Variants in GRM7 observed in about 807,000 individuals in gnomAD.
GRM7 encodes the protein glutamate metabotropic receptor 7.
A neutral mutation model predicts 84.5 loss-of-function variants in GRM7; 35 were observed. The observed-to-expected ratio is 0.41, with a 90% CI of 0.32 to 0.55. GRM7 has a LOEUF of 0.55. Ranked by LOEUF, GRM7 falls within the 20% of genes least tolerant of loss-of-function variation. The probability of loss-of-function intolerance (pLI) is 0.19; values close to 1 mark genes in which losing one functional copy is unlikely to be tolerated. For synonymous variants in GRM7, 487 were observed against 455.1 expected, an observed-to-expected ratio of 1.07 and a Z score of -0.89; for missense variants, 1,003 against 1,194.6, an observed-to-expected ratio of 0.84 and a Z score of 2.36.
intron 7 of GRM7, among the ~76,000 whole-genome samples, chr3:7,553,940 A>G (rs1284968588): frequency 6.6e-6 from 1 of 152,214 alleles, no homozygotes; most frequent in African/African-American, 2.4e-5. Context: ...TGGACATATT[A>G]TAAATGTAGA....
At chr3:7,602,849 A>G (rs1375574552) in intron 8 of GRM7, among the ~76,000 whole-genome samples, 1 of 152,102 alleles carries the variant, frequency 6.6e-6, no homozygotes, top group Non-Finnish European at 1.5e-5. Context: ...CATCACTACC[A>G]CTGATTAGTA....
intron 7 of GRM7, among the ~76,000 whole-genome samples, chr3:7,539,116 A>G (rs1692721953): frequency 6.6e-6 from 1 of 152,196 alleles, no homozygotes; most frequent in South Asian, 2.1e-4. Context: ...CTAAATACCC[A>G]AAGGTAATAG....
intron 4 of GRM7, among the ~76,000 whole-genome samples, chr3:7,338,115 T>TAAAC (rs1553563170): frequency 6.8e-6 from 1 of 146,868 alleles, no homozygotes; most frequent in African/African-American, 2.5e-5. Flanking sequence ...TATATTTATG[T>TAAAC]ACACACACAC....
At chr3:7,661,967 A>G (rs902379962) in intron 8 of GRM7, among the ~76,000 whole-genome samples, 2 of 152,054 alleles carry the variant, frequency 1.3e-5, no homozygotes, top group Non-Finnish European at 2.9e-5. Flanking sequence ...CATGAATATT[A>G]GTGACAGTAG....
chr3:7,170,502 T>C (rs1021880749), intron 2 of GRM7, among the ~76,000 whole-genome samples: 1 of 152,214 alleles, frequency 6.6e-6, no homozygotes, highest in Admixed American at 6.5e-5. Context: ...TTGGGTTTGA[T>C]CTGGAGCCTT....
chr3:7,330,885 C>A (rs1016701453), intron 4 of GRM7, among the ~76,000 whole-genome samples: 3 of 152,120 alleles, frequency 2.0e-5, no homozygotes, highest in Non-Finnish European at 2.9e-5. Flanking sequence ...CTGGAATCTT[C>A]TTTCTCTTTA....
chr3:6,905,561 A>G (rs1290427832), intron 1 of GRM7, among the ~76,000 whole-genome samples: 1 of 112,622 alleles, frequency 8.9e-6, no homozygotes, highest in Non-Finnish European at 1.7e-5. Flanking sequence ...TTGAAACCTT[A>G]TCCCTTCCTC....
chr3:7,479,738 T>C (rs891728495), intron 7 of GRM7, among the ~76,000 whole-genome samples: 3 of 152,146 alleles, frequency 2.0e-5, no homozygotes, highest in Admixed American at 2.0e-4. Context: ...GGTCCCCAAC[T>C]ATGCTATTGG....
At chr3:7,231,551 T>G (rs758672294) in intron 2 of GRM7, among the ~76,000 whole-genome samples, 2 of 152,210 alleles carry the variant, frequency 1.3e-5, no homozygotes, top group Non-Finnish European at 2.9e-5. Context: ...GAACTATGTT[T>G]TGACAGCTGT....
At chr3:7,267,166 G>A (rs1698672559) in intron 2 of GRM7, among the ~76,000 whole-genome samples, 1 of 152,184 alleles carries the variant, frequency 6.6e-6, no homozygotes, top group South Asian at 2.1e-4. Context: ...GTAGAAAATC[G>A]AAGTTCACTG....
chr3:7,151,776 CTGCTTGCTGTGGTTTAGTACAGT>C lies in GRM7; in HGVS notation c.736+5114_736+5136del, dbSNP rs1483015522. Among the ~76,000 whole-genome samples the C allele has an allele frequency of 2.0e-5, 3 of 152,100 alleles. No individual in the cohort carries two copies. Among genetic ancestry groups the C allele is most frequent in the Non-Finnish European group, 2.9e-5 (2 of 68,034 alleles). ...GGCCATAAAATACTACATCCTAGAT[CTGCTTGCTGTGGTTTAGTACAGT>C]TGCTTTCACTCTGAATTTACACCAT... On this transcript the variant is annotated intron_variant, in intron 2 of 9. Coordinates refer to ENST00000357716, the MANE Select transcript of GRM7 (RefSeq NM_000844.4). This position sits in a 1 kb window ranked among gnomAD's most constrained non-coding sequence, Gnocchi z 4.5.
intron 9 of GRM7, among the ~76,000 whole-genome samples, chr3:7,704,821 GT>G (rs1224819760): frequency 6.6e-6 from 1 of 152,136 alleles, no homozygotes; most frequent in African/African-American, 2.4e-5. Flanking sequence ...CAGGGCTCTT[GT>G]CCACCCTGGG....
intron 2 of GRM7, among the ~76,000 whole-genome samples, chr3:7,226,770 T>C (rs1489320188): frequency 1.3e-5 from 2 of 152,228 alleles, no homozygotes; most frequent in Non-Finnish European, 2.9e-5. Context: ...TTATCTACTT[T>C]GTTATTTTGA....
At chr3:7,057,429 ATCT>A (rs1328953614) in intron 1 of GRM7, among the ~76,000 whole-genome samples, 2 of 151,988 alleles carry the variant, frequency 1.3e-5, no homozygotes, top group East Asian at 3.9e-4. Context: ...TTCAATTTTC[ATCT>A]TCTTATGTTA....
At chr3:6,998,765 C>T (rs773633109) in intron 1 of GRM7, among the ~76,000 whole-genome samples, 1 of 152,206 alleles carries the variant, frequency 6.6e-6, no homozygotes, top group Non-Finnish European at 1.5e-5. Flanking sequence ...GAAGCCATGG[C>T]CTGAGCTGTA....
At chr3:7,492,981 TTTTCCTG>T (rs1364007458) in intron 7 of GRM7, among the ~76,000 whole-genome samples, 1 of 152,078 alleles carries the variant, frequency 6.6e-6, no homozygotes, top group South Asian at 2.1e-4. Flanking sequence ...CATTGAGAGA[TTTTCCTG>T]TTTCCTGTTA....
intron 8 of GRM7, among the ~76,000 whole-genome samples, chr3:7,592,938 G>A (rs143391878): frequency 6.6e-6 from 1 of 152,214 alleles, no homozygotes; most frequent in African/African-American, 2.4e-5. Context: ...CTCAGCCTAG[G>A]AACAGTTTAA....
intron 2 of GRM7, among the ~76,000 whole-genome samples, chr3:7,210,110 T>A (rs903565339): frequency 2.0e-5 from 3 of 152,216 alleles, no homozygotes; most frequent in Admixed American, 2.0e-4. Context: ...TTCAATCCCA[T>A]AAAATATCTC....
intron 1 of GRM7, among the ~76,000 whole-genome samples, chr3:7,121,524 G>T (rs936439187): frequency 4.6e-5 from 7 of 152,050 alleles, no homozygotes; most frequent in Non-Finnish European, 7.4e-5. Flanking sequence ...ATGTATTCAA[G>T]AACCAAATTC....
Sources: allele counts gnomAD v4.1 joint callset (sites outside exome capture counted in the v4.1 genomes callset), GRCh38; gene constraint gnomAD v4.1.1; non-coding constraint Gnocchi (gnomAD v3.1); transcripts MANE v1.5; gene names NCBI Gene and HGNC (gene_info 2026-07-23, HGNC 2026-07-21).